FRMD6: variants seen among roughly 807,000 people sequenced by gnomAD.
FRMD6 encodes the protein FERM domain containing 6, also known as FERM domain-containing protein 6.
FRMD6 carries 37 observed loss-of-function variants against 73.2 expected under a neutral mutation model. The observed-to-expected ratio is 0.51, with a 90% CI of 0.39 to 0.66. The LOEUF (loss-of-function observed/expected upper bound fraction) is 0.66, where lower values mean the gene tolerates loss of function less well. Among genes scored for constraint, FRMD6 ranks in the 30% least tolerant of loss-of-function variants. The pLI, the probability that FRMD6 is intolerant of heterozygous loss-of-function variation, is 0.00. For synonymous variants in FRMD6, 273 were observed against 282.2 expected (o/e 0.97, Z 0.33); for missense variants, 714 against 780.5 (o/e 0.91, Z 1.02).
At chr14:51,562,645 G>A (rs563546844) in intron 1 of FRMD6, among the ~76,000 whole-genome samples, 5 of 152,258 alleles carry the variant, frequency 3.3e-5, no homozygotes, top group African/African-American at 1.2e-4. Context: ...ATCTAAACAG[G>A]TTATCATAAT....
intron 1 of FRMD6, among the ~76,000 whole-genome samples, chr14:51,490,600 G>T (rs562505248): frequency 3.0e-5 from 4 of 133,046 alleles, no homozygotes; most frequent in African/African-American, 1.2e-4. Flanking sequence ...GGTCCTGGAC[G>T]ATATATGTGT....
At chr14:51,581,059 C>T (rs1299459366) in intron 2 of FRMD6, among the ~76,000 whole-genome samples, 1 of 152,182 alleles carries the variant, frequency 6.6e-6, no homozygotes, top group Non-Finnish European at 1.5e-5. Context: ...CTGGCTGCCA[C>T]AGTACCATAG....
intron 2 of FRMD6, among the ~76,000 whole-genome samples, chr14:51,628,628 C>A (rs954153839): frequency 6.6e-6 from 1 of 151,766 alleles, no homozygotes; most frequent in African/African-American, 2.4e-5. Context: ...GCCAGGCCAA[C>A]ATGGTGAAAT....
At chr14:51,517,094 T>C (rs1773846703) in intron 1 of FRMD6, among the ~76,000 whole-genome samples, 1 of 152,248 alleles carries the variant, frequency 6.6e-6, no homozygotes, top group Admixed American at 6.5e-5. Flanking sequence ...CTTTGTTGTA[T>C]ACTTTAAGTG....
chr14:51,591,744 T>C (rs981181123), intron 2 of FRMD6, among the ~76,000 whole-genome samples: 2 of 152,144 alleles, frequency 1.3e-5, no homozygotes, highest in African/African-American at 2.4e-5. Flanking sequence ...GGTTTCACCA[T>C]GTTGGCAAGG....
the FRMD6 span, among the ~76,000 whole-genome samples, chr14:51,451,389 T>C: frequency 5.3e-5 from 8 of 152,226 alleles, no homozygotes; most frequent in Non-Finnish European, 1.0e-4. Flanking sequence ...TGTATATATA[T>C]GTATGATAGA....
chr14:51,476,088 CA>C, the FRMD6 span, among the ~76,000 whole-genome samples: 1 of 152,230 alleles, frequency 6.6e-6, no homozygotes, highest in African/African-American at 2.4e-5. Context: ...TCTGCACCAA[CA>C]GAAGTCAAAT....
At chr14:51,646,480 A>G (rs976848685) in intron 2 of FRMD6, among the ~76,000 whole-genome samples, 2 of 151,980 alleles carry the variant, frequency 1.3e-5, no homozygotes, top group Non-Finnish European at 2.9e-5. Context: ...GTCTGTCACC[A>G]GATAGATTGC....
chr14:51,484,815 A>G (rs978349526), upstream of FRMD6, among the ~76,000 whole-genome samples: 11 of 152,220 alleles, frequency 7.2e-5, no homozygotes, highest in Admixed American at 5.9e-4. Flanking sequence ...CCCACTTCCT[A>G]TCCAACTGCA....
chr14:51,416,646 A>G, the FRMD6 span, among the ~76,000 whole-genome samples: 1 of 152,140 alleles, frequency 6.6e-6, no homozygotes, highest in Non-Finnish European at 1.5e-5. Flanking sequence ...TGGGGTGGAG[A>G]GTTCTGTAGA....
intron 2 of FRMD6, among the ~76,000 whole-genome samples, chr14:51,628,877 C>CTTTTTTTTT (rs371915919): frequency 4.2e-5 from 4 of 95,314 alleles, no homozygotes; most frequent in Non-Finnish European, 7.5e-5. Context: ...CTTTTCTTTT[C>CTTTTTTTTT]TTTTTTTTTT....
intron 11 of FRMD6, among the ~76,000 whole-genome samples, chr14:51,720,935 A>G (rs1225300764): frequency 6.6e-6 from 1 of 152,228 alleles, no homozygotes; most frequent in African/African-American, 2.4e-5. Context: ...CCTATGGCTT[A>G]TCTTAGCCAA....
At chr14:51,571,762 A>T (rs1888149427) in intron 2 of FRMD6, among the ~76,000 whole-genome samples, 1 of 152,216 alleles carries the variant, frequency 6.6e-6, no homozygotes, top group African/African-American at 2.4e-5. Flanking sequence ...TGTACTAGTG[A>T]GGATTGCTCT....
chr14:51,624,979 A>T (rs1198830747), intron 2 of FRMD6, among the ~76,000 whole-genome samples: 1 of 152,204 alleles, frequency 6.6e-6, no homozygotes, highest in Non-Finnish European at 1.5e-5. Flanking sequence ...TAGAAGAAAA[A>T]TTGTAATGAT....
intron 3 of FRMD6, 135 bp from the exon 4 acceptor site, chr14:51,700,919 CTT>C (rs993407023): frequency 6.1e-5 from 27 of 443,526 alleles, no homozygotes; most frequent in Middle Eastern, 6.1e-4. Context: ...TCTAGTATCT[CTT>C]TGGGTTTTCT....
chr14:51,434,476 T>C, the FRMD6 span, among the ~76,000 whole-genome samples: 1 of 152,128 alleles, frequency 6.6e-6, no homozygotes, highest in African/African-American at 2.4e-5. Flanking sequence ...CTTGAAGGGG[T>C]TCCTTTTGTA....
intron 1 of FRMD6, among the ~76,000 whole-genome samples, chr14:51,664,275 G>A (rs1038126137): frequency 1.3e-5 from 2 of 152,186 alleles, no homozygotes; most frequent in African/African-American, 4.8e-5. Context: ...ATACCTTGTT[G>A]ATGACTTTCA....
At chr14:51,485,720 G>A (rs1477093381), upstream of FRMD6, among the ~76,000 whole-genome samples, 1 of 152,226 alleles carries the variant, frequency 6.6e-6, no homozygotes, top group Non-Finnish European at 1.5e-5. Flanking sequence ...GATCACATGT[G>A]TGGTTACAGA....
the FRMD6 span, among the ~76,000 whole-genome samples, chr14:51,443,121 G>T: frequency 6.6e-6 from 1 of 152,230 alleles, no homozygotes; most frequent in South Asian, 2.1e-4. Flanking sequence ...GCCACTACTG[G>T]CTCAGGACAC....
Sources: allele counts gnomAD v4.1 joint callset (sites outside exome capture counted in the v4.1 genomes callset), GRCh38; gene constraint gnomAD v4.1.1; transcripts MANE v1.5; gene names NCBI Gene and HGNC (gene_info 2026-07-23, HGNC 2026-07-21).